DCDC2: variants seen among roughly 807,000 people sequenced by gnomAD.
DCDC2 encodes doublecortin domain-containing protein 2.
Under a neutral mutation model 50.2 loss-of-function variants are expected in DCDC2, and 40 were observed. The observed-to-expected ratio is 0.80, with a 90% CI of 0.62 to 1.04. The LOEUF (loss-of-function observed/expected upper bound fraction) is 1.04. DCDC2 is among the 50% of genes least tolerant of loss of function. The probability of loss-of-function intolerance (pLI) is 0.00; values close to 1 mark genes in which losing one functional copy is unlikely to be tolerated. For synonymous variants in DCDC2, 234 were observed against 210.6 expected (o/e 1.11, Z -0.96); for missense variants, 570 against 581.9 (o/e 0.98, Z 0.21).
intron 2 of DCDC2, among the ~76,000 whole-genome samples, chr6:24,308,772 A>G (rs1286801476): frequency 1.3e-5 from 2 of 152,240 alleles, no homozygotes; most frequent in African/African-American, 4.8e-5. Flanking sequence ...GAACTAAAAA[A>G]CAGAATATCT....
chr6:24,357,121 A>C (rs1007330914), intron 1 of DCDC2: 3 of 204,976 alleles, frequency 1.5e-5, no homozygotes, highest in African/African-American at 2.3e-5. Context: ...AAAAAAAATA[A>C]GGAAAAGGAA....
chr6:24,213,041 A>T (rs977616531), intron 7 of DCDC2, among the ~76,000 whole-genome samples: 1 of 152,186 alleles, frequency 6.6e-6, no homozygotes, highest in African/African-American at 2.4e-5. Context: ...ACATTCTCAA[A>T]TTTTAAAAGT....
At chr6:24,365,860 C>T in the DCDC2 span, 2 of 152,158 alleles carry the variant, frequency 1.3e-5, no homozygotes, top group African/African-American at 4.8e-5. Context: ...CTCTGTCACC[C>T]AGGCTGGAAA....
At chr6:24,181,093 G>GT (rs1761061696) in intron 8 of DCDC2, among the ~76,000 whole-genome samples, 1 of 152,036 alleles carries the variant, frequency 6.6e-6, no homozygotes, top group Admixed American at 6.6e-5. Flanking sequence ...AATTTTATTC[G>GT]GATGCTTAAG....
intron 8 of DCDC2, among the ~76,000 whole-genome samples, chr6:24,194,431 A>T (rs1018846940): frequency 1.2e-4 from 19 of 152,210 alleles, no homozygotes; most frequent in African/African-American, 3.9e-4. Context: ...ATCAACTACA[A>T]ATAGGAAAAG....
the DCDC2 span, among the ~76,000 whole-genome samples, chr6:24,368,731 A>C: frequency 6.6e-6 from 1 of 152,104 alleles, no homozygotes; most frequent in African/African-American, 2.4e-5. Flanking sequence ...GGCAAGAAGG[A>C]ATGGTGAATG....
intron 9 of DCDC2, among the ~76,000 whole-genome samples, chr6:24,175,219 T>TC (rs1352770495): frequency 6.6e-6 from 1 of 152,184 alleles, no homozygotes; most frequent in Non-Finnish European, 1.5e-5. Context: ...AATTTTAGTT[T>TC]CCTCCTAGAA....
At chr6:24,288,075 G>T (rs1581633061) in intron 6 of DCDC2, among the ~76,000 whole-genome samples, 1 of 152,178 alleles carries the variant, frequency 6.6e-6, no homozygotes, top group South Asian at 2.1e-4. Flanking sequence ...AAATCATTAG[G>T]AGACAATATC....
At chr6:24,205,864 T>C (rs1223576966) in intron 7 of DCDC2, among the ~76,000 whole-genome samples, 1 of 152,210 alleles carries the variant, frequency 6.6e-6, no homozygotes, top group East Asian at 1.9e-4. Flanking sequence ...ATTCTGTCCA[T>C]CTACTTGCCT....
At position 24,357,850 on chromosome 6, in the gene DCDC2, G is replaced by A; in HGVS notation, c.-100C>T. On this transcript the variant is annotated 5_prime_UTR_variant, in exon 1 of 10. Transcript: ENST00000378454. ...CACCCAGGGCGCGGGATCGCCTCCT[G>A]AAACGAACGAGAAACTGACGAATCC... The A allele has an allele frequency of 6.3e-7, 1 of 1,591,054 alleles. No homozygotes were observed. The highest frequency in any genetic ancestry group is 8.6e-7 in the Non-Finnish European group (1 of 1,167,884).
intron 2 of DCDC2, among the ~76,000 whole-genome samples, chr6:24,311,677 T>C (rs904550974): frequency 6.6e-6 from 1 of 152,190 alleles, no homozygotes; most frequent in African/African-American, 2.4e-5. Flanking sequence ...ATTGTATAGA[T>C]GGGAAAAGAT....
At chr6:24,299,531 A>G (rs1358014926) in intron 4 of DCDC2, among the ~76,000 whole-genome samples, 1 of 152,234 alleles carries the variant, frequency 6.6e-6, no homozygotes, top group Non-Finnish European at 1.5e-5. Context: ...TTAAGTTGGG[A>G]ACACTCATTC....
chr6:24,330,300 G>C (rs1302933598), intron 2 of DCDC2, among the ~76,000 whole-genome samples: 2 of 152,048 alleles, frequency 1.3e-5, no homozygotes, highest in East Asian at 1.9e-4. Context: ...AACAACCCCG[G>C]GCTGAATGTA....
At chr6:24,291,987 GCTT>G (rs765218358) in intron 4 of DCDC2, among the ~76,000 whole-genome samples, 2 of 152,194 alleles carry the variant, frequency 1.3e-5, no homozygotes, top group African/African-American at 2.4e-5. Flanking sequence ...TAGCATTTGT[GCTT>G]CTTTCTTTTT....
At chr6:24,179,761 TG>T (rs1761018859) in intron 8 of DCDC2, among the ~76,000 whole-genome samples, 1 of 150,306 alleles carries the variant, frequency 6.7e-6, no homozygotes, top group Non-Finnish European at 1.5e-5. Context: ...GAGACCATCC[TG>T]GCTAACACGG....
chr6:24,175,324 CCAA>C (rs1224005677), intron 9 of DCDC2, among the ~76,000 whole-genome samples: 16 of 152,302 alleles, frequency 1.1e-4, no homozygotes, highest in African/African-American at 3.1e-4. Context: ...CAGCATTTCT[CCAA>C]CAACAACTAT....
intron 2 of DCDC2, among the ~76,000 whole-genome samples, chr6:24,306,301 A>C (rs1363661852): frequency 6.6e-6 from 1 of 152,184 alleles, no homozygotes; most frequent in African/African-American, 2.4e-5. Flanking sequence ...GAAGGAATCA[A>C]CACCAAGCAA....
At chr6:24,359,355 A>ATATATATATTATATATATTT (rs1561789478), upstream of DCDC2, among the ~76,000 whole-genome samples, 1,141 of 33,270 alleles carry the variant, frequency 0.034, 87 homozygotes, top group Middle Eastern at 0.083. Context: ...TATATATTTT[A>ATATATATATTATATATATTT]TGTATATTAT....
rs6907894 is a variant in DCDC2 at position 24,205,236 on chromosome 6, C to A, written c.923-134G>T. 7.8e-3 allele frequency: 12,379 copies of A among 1,589,854 alleles called. 537 individuals are homozygous for A. The African/African-American group carries it at 0.12, about 15-fold the overall frequency. On this transcript the variant is annotated intron_variant, in intron 7 of 9. Transcript: ENST00000378454. ...TTTTAGTTGATAGTATTTTTGTGCA[C>A]CCCCTCCTCCGACCACCACACCACC...
Sources: gnomAD v4.1 joint callset for allele counts (sites outside exome capture counted in the v4.1 genomes callset) on GRCh38, gnomAD v4.1.1 for gene constraint, MANE v1.5 for transcripts, NCBI Gene and HGNC (gene_info 2026-07-23, HGNC 2026-07-21) for gene names.